Variants in DMXL1 observed in about 807,000 individuals in gnomAD.
DMXL1 encodes dmX-like protein 1.
In DMXL1, 99 loss-of-function variants were observed where a neutral mutation model predicts 319.2. The observed-to-expected ratio is 0.31, with a 90% CI of 0.26 to 0.37. The LOEUF is 0.37. Among genes scored for constraint, DMXL1 ranks in the 10% least tolerant of loss-of-function variants. The pLI, the probability that DMXL1 is intolerant of heterozygous loss-of-function variation, is 1.00. For synonymous variants in DMXL1, 1,385 were observed against 1,235.2 expected, an observed-to-expected ratio of 1.12 and a Z score of -2.54; for missense variants, 3,745 against 3,595.6, an observed-to-expected ratio of 1.04 and a Z score of -1.06.
chr5:119,156,809 C>T (rs1225539114), intron 19 of DMXL1, among the ~76,000 whole-genome samples: 1 of 152,094 alleles, frequency 6.6e-6, no homozygotes, highest in Non-Finnish European at 1.5e-5. Flanking sequence ...CCAGGCTCCC[C>T]TTTTCGCCAC....
At chr5:119,106,261 G>T (rs930944537) in intron 4 of DMXL1, among the ~76,000 whole-genome samples, 1 of 152,168 alleles carries the variant, frequency 6.6e-6, no homozygotes, top group African/African-American at 2.4e-5. Flanking sequence ...AGTAGAAGCT[G>T]CAAGGAAGTC....
chr5:119,192,520 ATACT>A (rs1778875626), intron 29 of DMXL1, among the ~76,000 whole-genome samples: 3 of 152,198 alleles, frequency 2.0e-5, no homozygotes, highest in South Asian at 4.1e-4. Flanking sequence ...TTCCCCTTTC[ATACT>A]TACTTATATA....
chr5:119,192,553 A>G (rs1182981030), intron 29 of DMXL1, among the ~76,000 whole-genome samples: 3 of 152,142 alleles, frequency 2.0e-5, no homozygotes, highest in Non-Finnish European at 4.4e-5. Context: ...ACCCAGTTAC[A>G]CCCGTTAAAA....
At chr5:119,193,797 G>A (rs1442048269) in intron 29 of DMXL1, 31 bp from the exon 30 acceptor site, 22 of 1,598,870 alleles carry the variant, frequency 1.4e-5, no homozygotes, top group Non-Finnish European at 1.9e-5. Flanking sequence ...TAGATATGTG[G>A]CTGCTAAATT....
rs935508166 is a variant in DMXL1 at position 119,203,446 on chromosome 5, A to G, written c.7863+10A>G. On this transcript the variant is annotated intron_variant, in intron 33 of 43. Transcript: ENST00000539542. ...ACGGTGTCTAAATGAGGTCTGTATA[A>G]GTTAAAACCTGTTTACTATTTTATT... 2.1e-6 allele frequency: 3 copies of G among 1,460,404 alleles called. No homozygotes were observed. The African/African-American group carries it at 4.3e-5, about 21-fold the overall frequency. The allele number at this position is 1,460,404 out of a possible 1,614,324, so 90.5% of individuals were successfully genotyped here.
At position 119,130,490 on chromosome 5, in the gene DMXL1, C is replaced by G. The variant is rs565259566; in HGVS notation, c.1315+1067C>G. Among the ~76,000 whole-genome samples, 10 of 152,152 alleles carry G rather than the reference C, an allele frequency of 6.6e-5. No individual in the cohort carries two copies. In the South Asian group the frequency reaches 2.1e-3, roughly 32 times the overall value. The stretch of plus-strand genomic sequence containing the variant: ...CCCGAGTAGCTAGGATTACAGGCAT[C>G]CGCCACCACACCTGGCTAATTTTTT... On this transcript the variant is annotated intron_variant, in intron 10 of 43. Coordinates refer to ENST00000539542, the MANE Select transcript of DMXL1 (RefSeq NM_001290321.3).
rs372719854 is a variant in DMXL1 at position 119,202,885 on chromosome 5, TTATA to T, written c.7746-416_7746-413del. On this transcript the variant is annotated intron_variant, in intron 32 of 43. Coordinates refer to ENST00000539542, the MANE Select transcript of DMXL1 (RefSeq NM_001290321.3). ...CATACATATATATATATATATATTT[TTATA>T]TATATATATATATATATTTATATAT... 1.5e-3 allele frequency among the ~76,000 whole-genome samples: 193 copies of T among 130,772 alleles called. 1 individual carries two copies. The highest frequency in any genetic ancestry group is 4.8e-3 in the African/African-American group (161 of 33,476). 85.8% of individuals were successfully genotyped at this position (130,772 alleles called of 152,430 possible). A position where few individuals can be genotyped will look rare whatever the true frequency, so the allele number is the denominator to read the frequency against.
chr5:119,176,503 T>C (rs2150305325), intron 26 of DMXL1, among the ~76,000 whole-genome samples: 1 of 152,200 alleles, frequency 6.6e-6, no homozygotes, highest in South Asian at 2.1e-4. Context: ...TTATCTTTCC[T>C]ATCTATGATT....
intron 10 of DMXL1, among the ~76,000 whole-genome samples, chr5:119,131,850 T>C (rs200021180): frequency 2.0e-5 from 3 of 152,264 alleles, no homozygotes; most frequent in African/African-American, 7.2e-5. Context: ...AAAACTGTTA[T>C]GTTTTTCATC....
chr5:119,142,100 C>T (rs1017404837), intron 13 of DMXL1, among the ~76,000 whole-genome samples: 2 of 152,064 alleles, frequency 1.3e-5, no homozygotes, highest in African/African-American at 4.8e-5. Flanking sequence ...ACATCATATA[C>T]AGAAATCAAC....
chr5:119,148,691 G>A, intron 17 of DMXL1, 48 bp from the exon 18 acceptor site: 2 of 1,552,458 alleles, frequency 1.3e-6, no homozygotes, highest in South Asian at 1.2e-5. Flanking sequence ...AAAAACAGAA[G>A]TATTTAACCA....
chr5:119,084,500 A>AT (rs1002664345), intron 1 of DMXL1, among the ~76,000 whole-genome samples: 4 of 152,100 alleles, frequency 2.6e-5, no homozygotes, highest in African/African-American at 9.7e-5. Context: ...TTTTAGGGTC[A>AT]TTTTTTTCTA....
intron 34 of DMXL1, 35 bp downstream of exon 34, chr5:119,206,931 C>G (rs1036173657): frequency 1.9e-5 from 24 of 1,275,340 alleles, no homozygotes; most frequent in Non-Finnish European, 2.6e-5. Context: ...TTAAAAATTG[C>G]ATTCTTTCAC....
chr5:119,145,206 T>C (rs113032981), intron 15 of DMXL1, among the ~76,000 whole-genome samples: 1 of 151,962 alleles, frequency 6.6e-6, no homozygotes, highest in African/African-American at 2.4e-5. Flanking sequence ...AAATCAATTA[T>C]ACAGTATGTG....
intron 9 of DMXL1, among the ~76,000 whole-genome samples, chr5:119,123,493 T>C (rs1349225922): frequency 2.7e-5 from 4 of 150,672 alleles, no homozygotes; most frequent in African/African-American, 4.9e-5. Context: ...CTATTTTTCA[T>C]TGTAGCAAGC....
intron 5 of DMXL1, among the ~76,000 whole-genome samples, chr5:119,113,545 A>G (rs1407067039): frequency 6.6e-6 from 1 of 152,162 alleles, no homozygotes; most frequent in African/African-American, 2.4e-5. Flanking sequence ...CCAGCCCATG[A>G]CATATTTTTT....
intron 5 of DMXL1, among the ~76,000 whole-genome samples, chr5:119,111,074 C>T (rs1174474215): frequency 2.0e-5 from 3 of 152,212 alleles, no homozygotes; most frequent in Admixed American, 2.0e-4. Context: ...CAGGTGTGAG[C>T]CACCGTGCTC....
intron 8 of DMXL1, among the ~76,000 whole-genome samples, chr5:119,119,937 G>T (rs1326071807): frequency 6.6e-6 from 1 of 151,866 alleles, no homozygotes; most frequent in African/African-American, 2.4e-5. Flanking sequence ...ATGGAGTGTA[G>T]TGGGGCGATA....
intron 1 of DMXL1, among the ~76,000 whole-genome samples, chr5:119,093,191 A>G (rs1755183564): frequency 6.6e-6 from 1 of 151,876 alleles, no homozygotes; most frequent in Non-Finnish European, 1.5e-5. Context: ...AACTTTTTTT[A>G]TTATTATTTT....
Sources: gnomAD v4.1 joint callset for allele counts (sites outside exome capture counted in the v4.1 genomes callset) on GRCh38, gnomAD v4.1.1 for gene constraint, MANE v1.5 for transcripts, NCBI Gene and HGNC (gene_info 2026-07-23, HGNC 2026-07-21) for gene names.